SPON1: variants seen among roughly 807,000 people sequenced by gnomAD.
The protein encoded by SPON1 is spondin-1.
Under a neutral mutation model 111.7 loss-of-function variants are expected in SPON1, and 52 were observed. The ratio of observed to expected loss-of-function variants is 0.47; its 90% confidence interval spans 0.37 to 0.59. The LOEUF is 0.59. Among genes scored for constraint, SPON1 ranks in the 20% least tolerant of loss-of-function variants. The probability of loss-of-function intolerance (pLI) is 0.00; values close to 1 mark genes in which losing one functional copy is unlikely to be tolerated. For missense variants in SPON1, 957 were observed against 1,068.5 expected, an observed-to-expected ratio of 0.90 and a Z score of 1.46; for synonymous variants, 410 against 395.8, an observed-to-expected ratio of 1.04 and a Z score of -0.43.
intron 2 of SPON1, among the ~76,000 whole-genome samples, chr11:14,016,272 C>G (rs924792515): frequency 6.6e-6 from 1 of 152,228 alleles, no homozygotes; most frequent in Non-Finnish European, 1.5e-5. Context: ...TTAACTCAAT[C>G]CATTTAACTG....
intron 6 of SPON1, among the ~76,000 whole-genome samples, chr11:14,235,243 A>G (rs1848850365): frequency 6.6e-6 from 1 of 152,166 alleles, no homozygotes; most frequent in South Asian, 2.1e-4. Context: ...CTTCCTCATC[A>G]CAGCCTCTCA....
intron 2 of SPON1, among the ~76,000 whole-genome samples, chr11:14,012,622 C>T (rs548083884): frequency 6.6e-6 from 1 of 152,194 alleles, no homozygotes; most frequent in Non-Finnish European, 1.5e-5. Flanking sequence ...TTTCAAGATT[C>T]AGCTCAAAGT....
rs782661509 is a variant in SPON1, at chr11:14,041,571, C to T, written c.396C>T (p.Val132=). ...TTATGAGCAATTGCCCTGTTGCAGTCACTGAAAGCACTCCACGGAGGAGGA... is the reference window on the plus strand; with the variant it reads ...TTATGAGCAATTGCCCTGTTGCAGTTACTGAAAGCACTCCACGGAGGAGGA... ...TQFMSNCPVA[V]TESTPRRRTR... The change falls in exon 3 of 16, where the codon GTC becomes GTT. Residue 132 remains valine (V), a synonymous_variant. Coordinates refer to ENST00000576479, the MANE Select transcript of SPON1 (RefSeq NM_006108.4). The T allele has an allele frequency of 1.2e-6, 2 of 1,613,942 alleles. No homozygotes were observed. Among genetic ancestry groups the T allele is most frequent in the Non-Finnish European group, 1.7e-6 (2 of 1,179,860 alleles).
At chr11:14,003,830 C>T (rs542104426) in intron 2 of SPON1, among the ~76,000 whole-genome samples, 49 of 152,098 alleles carry the variant, frequency 3.2e-4, no homozygotes, top group African/African-American at 1.2e-3. Context: ...AACCAAAATC[C>T]GTAATACAAT....
intron 6 of SPON1, among the ~76,000 whole-genome samples, chr11:14,153,888 A>G (rs1261542332): frequency 6.6e-6 from 1 of 152,242 alleles, no homozygotes; most frequent in Non-Finnish European, 1.5e-5. Context: ...TTGGCAAAAA[A>G]TAAAGGGGTT....
chr11:14,179,844 A>G (rs1289610128), intron 6 of SPON1, among the ~76,000 whole-genome samples: 3 of 152,156 alleles, frequency 2.0e-5, no homozygotes, highest in Non-Finnish European at 4.4e-5. Flanking sequence ...CAAGCCAGAA[A>G]ACAGGAATTT....
At position 14,135,502 on chromosome 11, in the gene SPON1, C is replaced by G; in HGVS notation, c.759C>G (p.Ser253Arg). Residue 253 changes from serine to arginine, a missense_variant, in exon 6 of 16, where the codon AGC (serine) becomes AGG (arginine). Transcript: ENST00000576479. The surrounding 1 kb of genome is among the most constrained non-coding windows in gnomAD (Gnocchi z 4.4). ...TGTGGGAATATGGAGGATATGCCAG[C>G]GAAGGCGTCAAACAAGTTGCAGAAT... Reference protein sequence around the residue: ...YVLWEYGGYASEGVKQVAELG... With the variant: ...YVLWEYGGYAREGVKQVAELG... 1 of 1,613,792 alleles carries G rather than the reference C, an allele frequency of 6.2e-7. No individual in the cohort carries two copies. Among genetic ancestry groups the G allele is most frequent in the Non-Finnish European group, 8.5e-7 (1 of 1,179,790 alleles).
chr11:14,259,303 G>C lies in SPON1; in HGVS notation c.1516G>C (p.Glu506Gln). The change falls in exon 12 of 16, where the codon GAG (glutamate) becomes CAG (glutamine). Residue 506 changes from glutamate (E) to glutamine (Q), a missense_variant. Physicochemically the swap from Glu to Gln is conservative, Grantham distance 29 (BLOSUM62 2). Transcript: ENST00000576479. The surrounding 1 kb of genome is among the most constrained non-coding windows in gnomAD (Gnocchi z 5.0). ...DEDGSTCTMS[E>Q]WITWSPCSIS... ...AGACGGCTCCACCTGCACCATGTCC[G>C]AGTGGATCACCTGGTCGCCCTGCAG... The C allele has an allele frequency of 6.2e-7, 1 of 1,612,734 alleles. No individual in the cohort carries two copies.
chr11:14,120,247 C>T (rs1333513015), intron 5 of SPON1, among the ~76,000 whole-genome samples: 1 of 152,070 alleles, frequency 6.6e-6, no homozygotes, highest in African/African-American at 2.4e-5. Flanking sequence ...TCCCAATTCC[C>T]AGGGTAATAT....
chr11:14,114,283 T>G (rs188421894), intron 5 of SPON1, among the ~76,000 whole-genome samples: 1 of 152,306 alleles, frequency 6.6e-6, no homozygotes, highest in East Asian at 1.9e-4. Context: ...TTTAGTCCTT[T>G]TGTACTTTAA....
At chr11:14,195,106 G>C (rs1436965303) in intron 6 of SPON1, among the ~76,000 whole-genome samples, 1 of 152,180 alleles carries the variant, frequency 6.6e-6, no homozygotes, top group Non-Finnish European at 1.5e-5. Context: ...TTACTAAGTA[G>C]CCAGAAAGAA....
chr11:14,160,547 TTATATATATATTTA>T (rs1847910015), intron 6 of SPON1, among the ~76,000 whole-genome samples: 5 of 23,258 alleles, frequency 2.1e-4, no homozygotes, highest in African/African-American at 4.7e-4. Flanking sequence ...ATATATATAT[TTATATATATATTTA>T]TATATATATT....
intron 6 of SPON1, among the ~76,000 whole-genome samples, chr11:14,223,037 T>C (rs1459818769): frequency 6.6e-6 from 1 of 152,178 alleles, no homozygotes; most frequent in East Asian, 1.9e-4. Flanking sequence ...AGTAAGGTTG[T>C]CTCCATTTTT....
intron 5 of SPON1, among the ~76,000 whole-genome samples, chr11:14,094,264 C>T (rs373142129): frequency 3.3e-5 from 5 of 151,444 alleles, no homozygotes; most frequent in Admixed American, 6.6e-5. Flanking sequence ...TTCCTCAACC[C>T]GTCTCCTTTC....
At chr11:13,967,333 G>T (rs961661817) in intron 1 of SPON1, among the ~76,000 whole-genome samples, 2 of 152,076 alleles carry the variant, frequency 1.3e-5, no homozygotes, top group African/African-American at 2.4e-5. Context: ...TCTCTCAGGA[G>T]AATTACTTTA....
chr11:14,076,607 G>A (rs555890562), intron 4 of SPON1, among the ~76,000 whole-genome samples: 9 of 152,288 alleles, frequency 5.9e-5, no homozygotes, highest in Admixed American at 1.3e-4. Context: ...GGAAGGCTGG[G>A]TTTGAAGTCA....
intron 6 of SPON1, among the ~76,000 whole-genome samples, chr11:14,207,449 T>C (rs1554936295): frequency 6.6e-6 from 1 of 152,166 alleles, no homozygotes; most frequent in African/African-American, 2.4e-5. Flanking sequence ...AGAAAAATTT[T>C]GCAAACTGTG....
intron 3 of SPON1, among the ~76,000 whole-genome samples, chr11:14,068,590 TTA>T: frequency 6.6e-6 from 1 of 152,302 alleles, no homozygotes; most frequent in African/African-American, 2.4e-5. Context: ...AGGGTCTCTT[TTA>T]GGTGTGCAGC....
intron 5 of SPON1, among the ~76,000 whole-genome samples, chr11:14,089,448 G>T (rs1260548380): frequency 1.3e-5 from 2 of 152,182 alleles, no homozygotes; most frequent in African/African-American, 4.8e-5. Context: ...GTTCTCGTGG[G>T]TATCACCAGC....
Sources: gnomAD v4.1 joint callset for allele counts (sites outside exome capture counted in the v4.1 genomes callset) on GRCh38, gnomAD v4.1.1 for gene constraint, Gnocchi (gnomAD v3.1) non-coding constraint, MANE v1.5 for transcripts, NCBI Gene and HGNC (gene_info 2026-07-23, HGNC 2026-07-21) for gene names.